The following TAB2 variants were observed in gnomAD, a reference collection of about 807,000 sequenced individuals.
The protein encoded by TAB2 is TGF-beta-activated kinase 1 and MAP3K7-binding protein 2.
A neutral mutation model predicts 65.0 loss-of-function variants in TAB2; 3 were observed. The ratio of observed to expected loss-of-function variants is 0.05; its 90% CI spans 0.02 to 0.12. The LOEUF is 0.12. TAB2 is among the 10% of genes least tolerant of loss of function. The pLI, the probability that TAB2 is intolerant of heterozygous loss-of-function variation, is 1.00. For synonymous variants in TAB2, 298 were observed against 285.1 expected, an observed-to-expected ratio of 1.05 and a Z score of -0.46; for missense variants, 623 against 840.3, an observed-to-expected ratio of 0.74 and a Z score of 3.20.
chr6:149,359,837 AT>A (rs1354806828), intron 1 of TAB2, among the ~76,000 whole-genome samples: 2 of 152,236 alleles, frequency 1.3e-5, no homozygotes, highest in African/African-American at 4.8e-5. Context: ...CTGGTTTTTC[AT>A]AACAGAAGAG....
rs565106248 is a variant in TAB2, at chr6:149,251,381, C to G, written c.-121+32605C>G. On this transcript the variant is annotated intron_variant, in intron 1 of 1. Transcript: ENST00000606202. Reference sequence around the variant, plus strand: ...GAAAGGTGGTCATCACCCCATATGACCCGGCCTGTGACTCCCACTGGGACA... The same window carrying G: ...GAAAGGTGGTCATCACCCCATATGAGCCGGCCTGTGACTCCCACTGGGACA... Among the ~76,000 whole-genome samples, 45 of 152,296 alleles carry G rather than the reference C, an allele frequency of 3.0e-4. 1 individual carries two copies. The South Asian group carries it at 7.5e-3, about 25-fold the overall frequency.
intron 5 of TAB2, 32 bp from the exon 6 acceptor site, chr6:149,399,072 G>A (rs780290901): frequency 1.9e-6 from 3 of 1,541,222 alleles, no homozygotes; most frequent in African/African-American, 1.4e-5. Context: ...TGAGCTATAA[G>A]CATTGATATA....
intron 1 of TAB2, among the ~76,000 whole-genome samples, chr6:149,237,550 A>C (rs570839917): frequency 1.1e-4 from 16 of 152,342 alleles, no homozygotes; most frequent in Non-Finnish European, 1.8e-4. Context: ...GTGGAGAGGC[A>C]GTCAGTCCTG....
chr6:149,228,616 A>G (rs1777334156), intron 1 of TAB2, among the ~76,000 whole-genome samples: 1 of 152,228 alleles, frequency 6.6e-6, no homozygotes, highest in African/African-American at 2.4e-5. Context: ...ATAAGCAGGA[A>G]CACCTAATGG....
At position 149,378,904 on chromosome 6, in the gene TAB2, T is replaced by C. The variant is rs1781504149; in HGVS notation, c.989T>C (p.Leu330Pro). The change falls in exon 3 of 7, where the codon CTT becomes CCT. Residue 330 changes from leucine (L) to proline (P), a missense_variant. By Grantham distance (98) the Leu-to-Pro change is moderately conservative. Around this residue, in one of 3 missense-constraint regions of TAB2, gnomAD observed 550 missense variants for 665.7 expected, o/e 0.83. Transcript: ENST00000637181. ...GPRKNQIEIK[L>P]EPPQRNNSSK... is the part of the protein sequence containing the mutation. ...CGAAAAAACCAGATTGAAATCAAAC[T>C]TGAACCCCCACAAAGAAATAATTCT... 6.2e-7 allele frequency: 1 copy of C among 1,613,990 alleles called. No individual in the cohort carries two copies. The highest frequency in any genetic ancestry group is 1.3e-5 in the African/African-American group (1 of 74,904).
chr6:149,379,415 C>G lies in TAB2; in HGVS notation c.1500C>G (p.Thr500=), dbSNP rs768851019. The change falls in exon 3 of 7, where the codon ACC becomes ACG. Residue 500 remains threonine, a synonymous_variant. Coordinates refer to ENST00000637181, the MANE Select transcript of TAB2 (RefSeq NM_001292034.3). ...LLNHPDHYVE[T]ENIQHLTDPT... ...ATCATCCTGATCATTATGTAGAAAC[C>G]GAGAATATTCAGCACCTCACGGACC... is the stretch of plus-strand genomic sequence containing the variant. 2 of 1,613,928 alleles carry G rather than the reference C, an allele frequency of 1.2e-6. No individual in the cohort carries two copies. The highest frequency in any genetic ancestry group is 2.7e-5 in the African/African-American group (2 of 74,884).
intron 1 of TAB2, chr6:149,257,566 A>C (rs942405202): frequency 3.3e-5 from 5 of 152,182 alleles, no homozygotes; most frequent in African/African-American, 1.2e-4. Context: ...TGGGCAAGTC[A>C]GGGTGGCCCA....
chr6:149,368,622 A>G (rs548469289), intron 1 of TAB2, among the ~76,000 whole-genome samples: 2 of 150,726 alleles, frequency 1.3e-5, no homozygotes, highest in African/African-American at 4.9e-5. Context: ...ATTTATAGAA[A>G]CACTACTTTT....
chr6:149,397,395 C>T (rs779006583), intron 3 of TAB2, among the ~76,000 whole-genome samples: 1 of 151,472 alleles, frequency 6.6e-6, no homozygotes, highest in African/African-American at 2.4e-5. Flanking sequence ...GAGCCGAGAT[C>T]GCACCATTGC....
chr6:149,312,220 AC>A (rs1779177583), intron 1 of TAB2, among the ~76,000 whole-genome samples: 1 of 152,190 alleles, frequency 6.6e-6, no homozygotes, highest in Non-Finnish European at 1.5e-5. Flanking sequence ...ACACATACAT[AC>A]CACATTTTGT....
At chr6:149,372,328 A>G (rs1781257201) in intron 2 of TAB2, 1 of 152,232 alleles carries the variant, frequency 6.6e-6, no homozygotes, top group African/African-American at 2.4e-5. Flanking sequence ...GTTTGCATAA[A>G]GAAATACTGG....
chr6:149,243,105 A>G (rs1208035609), intron 1 of TAB2, among the ~76,000 whole-genome samples: 1 of 152,210 alleles, frequency 6.6e-6, no homozygotes, highest in Non-Finnish European at 1.5e-5. Flanking sequence ...CTCATAGTGT[A>G]AACACAGGGG....
intron 1 of TAB2, among the ~76,000 whole-genome samples, chr6:149,267,887 C>T (rs1240004339): frequency 1.3e-5 from 2 of 152,098 alleles, no homozygotes; most frequent in Non-Finnish European, 2.9e-5. Context: ...GGTATTATAA[C>T]CTTACGGGAC....
At chr6:149,270,832 G>A (rs1778347874) in intron 1 of TAB2, among the ~76,000 whole-genome samples, 1 of 152,098 alleles carries the variant, frequency 6.6e-6, no homozygotes, top group Non-Finnish European at 1.5e-5. Flanking sequence ...TGGATCTAGA[G>A]GAAGTGTATC....
chr6:149,349,290 C>A (rs979384326), intron 1 of TAB2, among the ~76,000 whole-genome samples: 4 of 151,300 alleles, frequency 2.6e-5, no homozygotes, highest in African/African-American at 9.7e-5. Context: ...CACGGTGGCA[C>A]GCGCCTGTAA....
chr6:149,309,677 G>A (rs959158926), intron 1 of TAB2, among the ~76,000 whole-genome samples: 12 of 151,666 alleles, frequency 7.9e-5, no homozygotes, highest in Admixed American at 2.0e-4. Flanking sequence ...GATTACAGGC[G>A]TGAGCCACCA....
At chr6:149,294,078 G>T (rs1324521469) in intron 1 of TAB2, among the ~76,000 whole-genome samples, 1 of 152,188 alleles carries the variant, frequency 6.6e-6, no homozygotes, top group Admixed American at 6.5e-5. Flanking sequence ...CTTTGCTAGA[G>T]AGTAATGGCC....
At chr6:149,363,250 T>C (rs557242558) in intron 1 of TAB2, among the ~76,000 whole-genome samples, 2 of 152,244 alleles carry the variant, frequency 1.3e-5, no homozygotes, top group South Asian at 4.1e-4. Flanking sequence ...GTTCTAAAGC[T>C]AAATCTTTAT....
intron 1 of TAB2, among the ~76,000 whole-genome samples, chr6:149,281,153 G>GA (rs1330009713): frequency 1.3e-5 from 2 of 151,742 alleles, no homozygotes; most frequent in African/African-American, 4.8e-5. Flanking sequence ...AAAGAAAATT[G>GA]ACTGTTTAAA....
Sources: allele counts gnomAD v4.1 joint callset (sites outside exome capture counted in the v4.1 genomes callset), GRCh38; gene constraint gnomAD v4.1.1; regional missense constraint gnomAD v4.1.1; transcripts MANE v1.5; gene names NCBI Gene and HGNC (gene_info 2026-07-23, HGNC 2026-07-21).